Variants in DARS2 observed in about 807,000 individuals in gnomAD.
DARS2 encodes aspartyl-tRNA synthetase 2, mitochondrial.
Under a neutral mutation model 83.0 loss-of-function variants are expected in DARS2, and 63 were observed. That is an observed-to-expected ratio of 0.76 (90% CI 0.62 to 0.94). The LOEUF is 0.94. Among genes scored for constraint, DARS2 ranks in the 40% least tolerant of loss-of-function variants. The probability of loss-of-function intolerance (pLI) is 0.00; values close to 1 mark genes in which losing one functional copy is unlikely to be tolerated. For synonymous variants in DARS2, 250 were observed against 269.3 expected, an observed-to-expected ratio of 0.93 and a Z score of 0.70; for missense variants, 675 against 774.4, an observed-to-expected ratio of 0.87 and a Z score of 1.52.
intron 9 of DARS2, among the ~76,000 whole-genome samples, chr1:173,839,141 T>G (rs1422991568): frequency 6.6e-6 from 1 of 152,156 alleles, no homozygotes; most frequent in East Asian, 1.9e-4. Flanking sequence ...CATACGCAAA[T>G]AAGTAACTTA....
intron 11 of DARS2, among the ~76,000 whole-genome samples, chr1:173,844,810 T>G: frequency 1.0e-5 from 1 of 95,724 alleles, no homozygotes; most frequent in African/African-American, 5.2e-5. Context: ...TTTTTTTTTT[T>G]TGAGACAGAA....
rs1261618295 is a variant in DARS2 at position 173,824,992 on chromosome 1, G to C, written c.-238G>C. On this transcript the variant is annotated 5_prime_UTR_variant, in exon 1 of 17. Transcript: ENST00000649689. Reference sequence around the variant, plus strand: ...GTAGAAGTGCAGACTGATGCTTTAAGACTCAGGGAGAGGTCTTTCCCTTAT... The same window carrying C: ...GTAGAAGTGCAGACTGATGCTTTAACACTCAGGGAGAGGTCTTTCCCTTAT... 1 of 434,360 alleles carries C rather than the reference G, an allele frequency of 2.3e-6. No homozygotes were observed. The highest frequency in any genetic ancestry group is 4.3e-6 in the Non-Finnish European group (1 of 234,002). The allele number at this position is 434,360 out of a possible 1,614,324, so 26.9% of individuals were successfully genotyped here. A position where few individuals can be genotyped will look rare whatever the true frequency, so the allele number is the denominator to read the frequency against.
At chr1:173,837,182 G>T in intron 8 of DARS2, 136 bp downstream of exon 8, 1 of 798,826 alleles carries the variant, frequency 1.3e-6, no homozygotes, top group Non-Finnish European at 2.1e-6. Context: ...CTTATAAAAT[G>T]CCCTCATAAT....
chr1:173,843,365 C>A (rs1317351081), intron 11 of DARS2, among the ~76,000 whole-genome samples: 1 of 152,086 alleles, frequency 6.6e-6, no homozygotes, highest in African/African-American at 2.4e-5. Context: ...TCAAGACCAG[C>A]CTGGCCAATA....
At chr1:173,854,872 A>C (rs1329142303) in intron 15 of DARS2, among the ~76,000 whole-genome samples, 1 of 152,148 alleles carries the variant, frequency 6.6e-6, no homozygotes, top group Non-Finnish European at 1.5e-5. Context: ...GTAAAAGAAG[A>C]GTCTGTACAG....
chr1:173,827,617 C>T (rs1481855453), intron 2 of DARS2, among the ~76,000 whole-genome samples: 2 of 151,666 alleles, frequency 1.3e-5, no homozygotes, highest in African/African-American at 2.4e-5. Context: ...GGCAACAGAA[C>T]GAGACTCCGT....
At chr1:173,834,659 G>T (rs1287966120) in intron 7 of DARS2, 140 bp downstream of exon 7, 2 of 298,456 alleles carry the variant, frequency 6.7e-6, no homozygotes, top group African/African-American at 4.7e-5. Flanking sequence ...CTGAAGAATT[G>T]AGAAAATTAT....
chr1:173,837,436 T>C (rs1445282152), intron 8 of DARS2, among the ~76,000 whole-genome samples: 4 of 152,188 alleles, frequency 2.6e-5, no homozygotes, highest in Non-Finnish European at 5.9e-5. Context: ...TGAGGAAATA[T>C]AGAAAACTTT....
chr1:173,825,691 G>T (rs1652492389), intron 1 of DARS2, among the ~76,000 whole-genome samples: 2 of 150,656 alleles, frequency 1.3e-5, no homozygotes, highest in African/African-American at 2.4e-5. Flanking sequence ...GGATGGTCTC[G>T]ATCTCCTGAC....
intron 11 of DARS2, among the ~76,000 whole-genome samples, chr1:173,842,145 C>T (rs1412793524): frequency 2.0e-5 from 3 of 151,902 alleles, no homozygotes; most frequent in Non-Finnish European, 4.4e-5. Flanking sequence ...AGTACATCTG[C>T]TTTAAAAAAT....
At chr1:173,853,223 G>A (rs1407595069) in intron 13 of DARS2, 126 bp from the exon 14 acceptor site, 2 of 894,040 alleles carry the variant, frequency 2.2e-6, no homozygotes, top group East Asian at 4.8e-5. Flanking sequence ...GAGAAGCAAA[G>A]GGCATCCTAT....
intron 12 of DARS2, among the ~76,000 whole-genome samples, chr1:173,845,953 T>G (rs897543408): frequency 6.6e-6 from 1 of 152,078 alleles, no homozygotes; most frequent in Non-Finnish European, 1.5e-5. Context: ...GTCAGGAGAT[T>G]GAGACCATCC....
At chr1:173,839,578 C>T (rs1372941035) in intron 10 of DARS2, 32 bp downstream of exon 10, 1 of 1,591,402 alleles carries the variant, frequency 6.3e-7, no homozygotes, top group African/African-American at 1.3e-5. Flanking sequence ...GGACTCTGTC[C>T]CCAAATAATC....
intron 15 of DARS2, among the ~76,000 whole-genome samples, chr1:173,854,380 AAAT>A (rs1221370845): frequency 6.6e-6 from 1 of 152,236 alleles, no homozygotes; most frequent in Non-Finnish European, 1.5e-5. Flanking sequence ...TTGGAAAAGT[AAAT>A]AATAATATTA....
At chr1:173,856,973 A>C (rs1320038346) in intron 16 of DARS2, among the ~76,000 whole-genome samples, 1 of 152,164 alleles carries the variant, frequency 6.6e-6, no homozygotes, top group Non-Finnish European at 1.5e-5. Context: ...AAAACTGCAG[A>C]TCTTAAGTCA....
chr1:173,828,366 T>C lies in DARS2; in HGVS notation c.261T>C (p.Asp87=), dbSNP rs182096636. The part of the protein sequence containing the change: ...QNTFLVLRDF[D]GLVQVIIPQD... ...CATTCTTGGTCCTAAGAGATTTCGA[T>C]GGGCTTGTTCAAGTTATCATTCCCC... Residue 87 remains aspartate, a synonymous_variant, in exon 3 of 17, where the codon GAT becomes GAC. Transcript: ENST00000649689. The C allele has an allele frequency of 3.4e-4, 517 of 1,519,090 alleles. 2 individuals carry two copies. Among genetic ancestry groups the C allele is most frequent in the Non-Finnish European group, 1.8e-4 (207 of 1,120,396 alleles). 94.1% of individuals were successfully genotyped at this position (1,519,090 alleles called of 1,614,324 possible).
chr1:173,843,941 G>T lies in DARS2; in HGVS notation c.1129-1288G>T, dbSNP rs79806484. ...CACAGCATGTGCTATCAAAGTGTCT[G>T]TCGAACTCTTAAGTTTATATGTATT... On this transcript the variant is annotated intron_variant, in intron 11 of 16. Coordinates refer to ENST00000649689, the MANE Select transcript of DARS2 (RefSeq NM_018122.5). Among the ~76,000 whole-genome samples the T allele has an allele frequency of 4.0e-3, 616 of 152,320 alleles. 4 individuals are homozygous for T. Among genetic ancestry groups the T allele is most frequent in the African/African-American group, 0.014 (596 of 41,568 alleles).
intron 13 of DARS2, 106 bp from the exon 14 acceptor site, chr1:173,853,243 G>A: frequency 1.9e-6 from 2 of 1,076,574 alleles, no homozygotes; most frequent in South Asian, 1.3e-5. Flanking sequence ...TCTGTTAATT[G>A]GCTAATCCTT....
intron 11 of DARS2, among the ~76,000 whole-genome samples, chr1:173,842,845 G>A (rs995048928): frequency 2.0e-5 from 3 of 150,808 alleles, no homozygotes; most frequent in Non-Finnish European, 4.4e-5. Context: ...GACTGAGGCA[G>A]GAGAATCACT....
Sources: gnomAD v4.1 joint callset for allele counts (sites outside exome capture counted in the v4.1 genomes callset) on GRCh38, gnomAD v4.1.1 for gene constraint, MANE v1.5 for transcripts, NCBI Gene and HGNC (gene_info 2026-07-23, HGNC 2026-07-21) for gene names.